ZFHX4: variants seen among roughly 807,000 people sequenced by gnomAD.
ZFHX4 encodes the protein zinc finger homeobox 4.
A neutral mutation model predicts 267.6 loss-of-function variants in ZFHX4; 56 were observed. That is an observed-to-expected ratio of 0.21 (90% CI 0.17 to 0.26). ZFHX4 has a LOEUF of 0.26. ZFHX4 is among the 10% of genes least tolerant of loss of function. The probability of loss-of-function intolerance (pLI) is 1.00; values close to 1 mark genes in which losing one functional copy is unlikely to be tolerated. For synonymous variants in ZFHX4, 1,778 were observed against 1,665.6 expected (o/e 1.07, Z -1.64); for missense variants, 4,332 against 4,420.0 (o/e 0.98, Z 0.56).
In ZFHX4 at chr8:76,715,481, T is replaced by TAAAA. The variant is rs764567552; in HGVS notation, c.3093+7457_3093+7460dup. Among the ~76,000 whole-genome samples, 6 of 62,340 alleles carry TAAAA rather than the reference T, an allele frequency of 9.6e-5. No homozygotes were observed. In the East Asian group the frequency reaches 1.7e-3, roughly 18 times the overall value. 40.9% of individuals were successfully genotyped at this position (62,340 alleles called of 152,430 possible). ...TGGGCAACAGAACAAGACTCCATCT[T>TAAAA]AAAAAAAAAAAAAAAAAAAAAAAAA... On this transcript the variant is annotated intron_variant, in intron 3 of 10. Transcript: ENST00000651372.
chr8:76,744,464 G>A (rs1376668575), intron 3 of ZFHX4, among the ~76,000 whole-genome samples: 1 of 152,010 alleles, frequency 6.6e-6, no homozygotes, highest in African/African-American at 2.4e-5. Context: ...CCAGGGTGGA[G>A]TGCAGTGGTG....
In ZFHX4 at chr8:76,707,934, T is replaced by C. The variant is rs747593619; in HGVS notation, c.2979T>C (p.Ile993=). 8 of 1,614,062 alleles carry C rather than the reference T, an allele frequency of 5.0e-6. No homozygotes were observed. In the South Asian group the frequency reaches 8.8e-5, roughly 18 times the overall value. Residue 993 remains isoleucine (I), a synonymous_variant, in exon 3 of 11, where the codon ATT becomes ATC. Coordinates refer to ENST00000651372, the MANE Select transcript of ZFHX4 (RefSeq NM_024721.5). ...AGTGGAGGTTGAAGTGTATTGCCATTGGCAACCCTGTTCACCTAAAATGTA... is the reference window on the plus strand; with the variant it reads ...AGTGGAGGTTGAAGTGTATTGCCATCGGCAACCCTGTTCACCTAAAATGTA... The part of the protein sequence containing the change: ...SNEWRLKCIA[I]GNPVHLKCNA...
At chr8:76,770,236 T>C (rs769132506) in intron 3 of ZFHX4, among the ~76,000 whole-genome samples, 4 of 152,204 alleles carry the variant, frequency 2.6e-5, no homozygotes, top group Non-Finnish European at 5.9e-5. Flanking sequence ...CTAAAGCATA[T>C]AGCACATCCT....
intron 4 of ZFHX4, among the ~76,000 whole-genome samples, chr8:76,816,590 C>CTTTTTTTTT (rs950143569): frequency 8.8e-6 from 1 of 113,032 alleles, no homozygotes; most frequent in African/African-American, 3.5e-5. Context: ...ATTTAAATGT[C>CTTTTTTTTT]TTTTTTTTTT....
At chr8:76,796,702 C>T (rs1453691332) in intron 4 of ZFHX4, among the ~76,000 whole-genome samples, 1 of 152,112 alleles carries the variant, frequency 6.6e-6, no homozygotes, top group African/African-American at 2.4e-5. Context: ...AACCAGAACC[C>T]AGGCTGGGTC....
At chr8:76,846,031 A>T (rs1258009231) in intron 6 of ZFHX4, among the ~76,000 whole-genome samples, 1 of 152,076 alleles carries the variant, frequency 6.6e-6, no homozygotes, top group East Asian at 1.9e-4. Context: ...ATAAGCAATC[A>T]TAAAACTTAA....
At chr8:76,727,158 T>C (rs979524453) in intron 3 of ZFHX4, among the ~76,000 whole-genome samples, 11 of 152,094 alleles carry the variant, frequency 7.2e-5, no homozygotes, top group African/African-American at 2.7e-4. Flanking sequence ...GCATCAACTG[T>C]GACATCTACT....
intron 3 of ZFHX4, among the ~76,000 whole-genome samples, chr8:76,747,043 C>T (rs1439058711): frequency 6.6e-6 from 1 of 152,128 alleles, no homozygotes; most frequent in Non-Finnish European, 1.5e-5. Flanking sequence ...TTCTCACGTG[C>T]TAAATTCTGC....
At chr8:76,772,248 TTG>T (rs1258866440) in intron 3 of ZFHX4, among the ~76,000 whole-genome samples, 2 of 152,084 alleles carry the variant, frequency 1.3e-5, no homozygotes, top group Non-Finnish European at 2.9e-5. Context: ...GGGAAATCAG[TTG>T]TGTTTTTTAT....
Position 76,705,635 on chromosome 8 carries a change from A to G in ZFHX4, c.1547A>G (p.Lys516Arg). Residue 516 changes from lysine (K) to arginine (R), a missense_variant, in exon 2 of 11, where the codon AAA becomes AGA. Coordinates refer to ENST00000651372, the MANE Select transcript of ZFHX4 (RefSeq NM_024721.5). Reference sequence around the variant, plus strand: ...TCTCCTTTATCATCCAGTGTGCTAAAATTTATTGAAAAGGGTACCTCGTCC... The same window carrying G: ...TCTCCTTTATCATCCAGTGTGCTAAGATTTATTGAAAAGGGTACCTCGTCC... ...SISPLSSSVL[K>R]FIEKGTSSSS... 6.2e-7 allele frequency: 1 copy of G among 1,613,916 alleles called. No individual in the cohort carries two copies. Among genetic ancestry groups the G allele is most frequent in the Non-Finnish European group, 8.5e-7 (1 of 1,179,858 alleles).
intron 1 of ZFHX4, among the ~76,000 whole-genome samples, chr8:76,699,496 G>A (rs1235229674): frequency 1.3e-5 from 2 of 152,086 alleles, no homozygotes; most frequent in South Asian, 2.1e-4. Context: ...TTAAGACTGA[G>A]ATCAAAGATG....
At chr8:76,681,760 C>A in intron 1 of ZFHX4, 140 bp downstream of exon 1, 1 of 319,426 alleles carries the variant, frequency 3.1e-6, no homozygotes, top group Non-Finnish European at 5.6e-6. Context: ...CCTCTCTACC[C>A]CTACCTCGCT....
intron 3 of ZFHX4, among the ~76,000 whole-genome samples, chr8:76,770,919 T>G (rs1427671640): frequency 1.3e-5 from 2 of 152,064 alleles, no homozygotes; most frequent in African/African-American, 2.4e-5. Context: ...AAAGTTAGAA[T>G]TGGGTTGAAG....
intron 4 of ZFHX4, among the ~76,000 whole-genome samples, chr8:76,813,658 C>G (rs540235553): frequency 1.4e-4 from 22 of 152,178 alleles, no homozygotes; most frequent in Admixed American, 1.3e-3. Context: ...CTGAAATTCT[C>G]AAGATTATGC....
chr8:76,858,211 G>A (rs1435964821), intron 10 of ZFHX4, among the ~76,000 whole-genome samples: 2 of 152,154 alleles, frequency 1.3e-5, no homozygotes, highest in African/African-American at 4.8e-5. Flanking sequence ...TGAGAAAGGA[G>A]GAAAAGAGAT....
intron 6 of ZFHX4, 140 bp from the exon 7 acceptor site, chr8:76,848,855 A>T (rs1162688414): frequency 1.3e-6 from 1 of 745,470 alleles, no homozygotes; most frequent in Admixed American, 3.9e-5. Context: ...TTGCCTTTTG[A>T]GATTAGCATT....
At chr8:76,834,113 T>C in intron 5 of ZFHX4, 1 of 451,212 alleles carries the variant, frequency 2.2e-6, no homozygotes. Flanking sequence ...TGTCTTCATA[T>C]GTCACAGCTT....
At chr8:76,857,716 G>T (rs1812769576) in intron 10 of ZFHX4, among the ~76,000 whole-genome samples, 3 of 152,074 alleles carry the variant, frequency 2.0e-5, no homozygotes, top group South Asian at 2.1e-4. Context: ...CACCCCAAAG[G>T]TACTTTGGGC....
chr8:76,842,598 C>G, intron 5 of ZFHX4, 57 bp from the exon 6 acceptor site: 1 of 1,294,220 alleles, frequency 7.7e-7, no homozygotes, highest in South Asian at 1.3e-5. Flanking sequence ...TAGTTTATTT[C>G]AGTGTGAACT....
Sources: allele counts gnomAD v4.1 joint callset (sites outside exome capture counted in the v4.1 genomes callset), GRCh38; gene constraint gnomAD v4.1.1; transcripts MANE v1.5; gene names NCBI Gene and HGNC (gene_info 2026-07-23, HGNC 2026-07-21).